Variants in CLPB observed in about 807,000 individuals in gnomAD.
CLPB encodes the protein mitochondrial disaggregase.
A neutral mutation model predicts 78.4 loss-of-function variants in CLPB; 40 were observed. The ratio of observed to expected loss-of-function variants is 0.51; its 90% CI spans 0.40 to 0.66. The LOEUF (loss-of-function observed/expected upper bound fraction) is 0.66, where lower values mean the gene tolerates loss of function less well. Ranked by LOEUF, CLPB falls within the 30% of genes least tolerant of loss-of-function variation. The pLI is 0.00. For synonymous variants in CLPB, 333 were observed against 348.0 expected (o/e 0.96, Z 0.48); for missense variants, 780 against 886.9 (o/e 0.88, Z 1.53).
At chr11:72,393,894 C>T (rs758329003) in intron 3 of CLPB, among the ~76,000 whole-genome samples, 2 of 152,008 alleles carry the variant, frequency 1.3e-5, no homozygotes, top group Non-Finnish European at 2.9e-5. Context: ...TTTAATGTCC[C>T]CTATTTTTTC....
chr11:72,395,312 TG>T (rs1383414830), intron 3 of CLPB, among the ~76,000 whole-genome samples: 2 of 152,166 alleles, frequency 1.3e-5, no homozygotes, highest in Non-Finnish European at 2.9e-5. Flanking sequence ...AGAGCCGACT[TG>T]ACTCCTGGTT....
rs143743148 is a variant in CLPB at position 72,400,632 on chromosome 11, G to A, written c.542+2334C>T. Among the ~76,000 whole-genome samples the A allele has an allele frequency of 7.0e-4, 107 of 152,332 alleles. 1 individual carries two copies. Among genetic ancestry groups the A allele is most frequent in the Middle Eastern group, 3.4e-3 (1 of 294 alleles). On this transcript the variant is annotated intron_variant, in intron 3 of 15. Coordinates refer to ENST00000538039, the MANE Select transcript of CLPB (RefSeq NM_001258392.3). ...TTAGCACCACTGGCTATTTCTTGCA[G>A]AGGGAAACAGCTACAAGCTGGGGGA...
chr11:72,393,285 T>C (rs1299072642), intron 3 of CLPB, among the ~76,000 whole-genome samples: 1 of 152,220 alleles, frequency 6.6e-6, no homozygotes, highest in Non-Finnish European at 1.5e-5. Context: ...GGACCCAGAC[T>C]AGGCTCTCTC....
intron 9 of CLPB, chr11:72,302,598 G>T: frequency 2.1e-6 from 1 of 470,204 alleles, no homozygotes; most frequent in Non-Finnish European, 3.9e-6. Context: ...CTGACTTGGG[G>T]TGTCTTCTTT....
chr11:72,356,520 C>A (rs1023043004), intron 5 of CLPB, among the ~76,000 whole-genome samples: 1 of 152,050 alleles, frequency 6.6e-6, no homozygotes, highest in Non-Finnish European at 1.5e-5. Flanking sequence ...CCCTGAGTGA[C>A]GGCAACTTGT....
intron 4 of CLPB, among the ~76,000 whole-genome samples, chr11:72,367,690 C>A (rs1194469689): frequency 3.9e-5 from 6 of 152,128 alleles, no homozygotes; most frequent in Admixed American, 3.9e-4. Context: ...ATCAATTATA[C>A]ACCACACCCC....
In CLPB at chr11:72,433,485, G is replaced by A. The variant is rs528117556; in HGVS notation, c.403+587C>T. ...AACCCGGGAGGCGGAGGTTGCAGTGGGCCGAGATTGCGCCACTGCACTCCA... is the reference window on the plus strand; with the variant it reads ...AACCCGGGAGGCGGAGGTTGCAGTGAGCCGAGATTGCGCCACTGCACTCCA... On this transcript the variant is annotated intron_variant, in intron 1 of 15. Transcript: ENST00000538039. Among the ~76,000 whole-genome samples the A allele has an allele frequency of 4.0e-5, 6 of 151,688 alleles. No individual in the cohort carries two copies. The South Asian group carries it at 6.2e-4, about 16-fold the overall frequency.
In CLPB at chr11:72,430,379, G is replaced by A. The variant is rs371250603; in HGVS notation, c.404-16C>T. 2.1e-4 allele frequency: 340 copies of A among 1,612,008 alleles called. 2 individuals carry two copies. Among genetic ancestry groups the A allele is most frequent in the Admixed American group, 1.6e-3 (95 of 59,706 alleles). ...AGGGCTGCATCTGAAGAGAAAGGGG[G>A]CACTGGTCAGATCCGCGGCCAGGAC... is the stretch of plus-strand genomic sequence containing the variant. On this transcript the variant is annotated splice_polypyrimidine_tract_variant and intron_variant, in intron 1 of 15. Coordinates refer to ENST00000538039, the MANE Select transcript of CLPB (RefSeq NM_001258392.3).
At chr11:72,396,110 C>T (rs1565483561) in intron 3 of CLPB, among the ~76,000 whole-genome samples, 2 of 152,102 alleles carry the variant, frequency 1.3e-5, no homozygotes, top group Non-Finnish European at 2.9e-5. Context: ...GGTCTTCAGC[C>T]AAGGATGGCA....
intron 7 of CLPB, among the ~76,000 whole-genome samples, chr11:72,316,295 G>C (rs1210615138): frequency 6.6e-6 from 1 of 152,202 alleles, no homozygotes. Flanking sequence ...GTTCCCAGAA[G>C]ATAGTGATGC....
At chr11:72,388,848 T>C (rs1855164133) in intron 3 of CLPB, among the ~76,000 whole-genome samples, 1 of 152,120 alleles carries the variant, frequency 6.6e-6, no homozygotes, top group African/African-American at 2.4e-5. Flanking sequence ...GCATATAGCA[T>C]ATAGCAGGGC....
intron 12 of CLPB, 51 bp downstream of exon 12, chr11:72,295,441 T>G: frequency 6.3e-7 from 1 of 1,592,962 alleles, no homozygotes; most frequent in South Asian, 1.1e-5. Context: ...CCCCAGGAGA[T>G]AGGCTGGTGG....
chr11:72,344,475 G>C (rs1230422287), intron 5 of CLPB, among the ~76,000 whole-genome samples: 2 of 152,060 alleles, frequency 1.3e-5, no homozygotes. Context: ...GCCTCCCAAA[G>C]TGGTGGGATT....
chr11:72,372,576 A>C (rs529049100), intron 4 of CLPB, among the ~76,000 whole-genome samples: 5 of 152,258 alleles, frequency 3.3e-5, no homozygotes, highest in Non-Finnish European at 5.9e-5. Flanking sequence ...CACAACTAAT[A>C]CCTGTAGTCC....
intron 2 of CLPB, among the ~76,000 whole-genome samples, chr11:72,416,043 A>G (rs1856012612): frequency 6.6e-6 from 1 of 152,228 alleles, no homozygotes; most frequent in African/African-American, 2.4e-5. Context: ...GTCCTAGAAG[A>G]CAGAGCTGGG....
intron 2 of CLPB, among the ~76,000 whole-genome samples, chr11:72,428,631 C>T (rs1013703765): frequency 2.0e-5 from 3 of 152,138 alleles, no homozygotes; most frequent in African/African-American, 7.2e-5. Flanking sequence ...TCTCTGATGT[C>T]CTCACATGGA....
chr11:72,289,292 T>C lies in CLPB; in HGVS notation c.*4075A>G, dbSNP rs1397718682. ...ATTGGCTTTTCTTGTATAAAAGTTA[T>C]CTGATTTTAAGTTATATGCCTAGTA... On this transcript the variant is annotated 3_prime_UTR_variant, in exon 16 of 16. Coordinates refer to ENST00000538039, the MANE Select transcript of CLPB (RefSeq NM_001258392.3). The C allele has an allele frequency of 1.3e-5, 2 of 152,180 alleles. No individual in the cohort carries two copies. The highest frequency in any genetic ancestry group is 2.4e-5 in the African/African-American group (1 of 41,430). The allele number at this position is 152,180 out of a possible 1,614,324, so 9.4% of individuals were successfully genotyped here.
chr11:72,302,044 C>G (rs1057088582), intron 10 of CLPB, 80 bp from the exon 11 acceptor site: 1 of 1,492,304 alleles, frequency 6.7e-7, no homozygotes, highest in Non-Finnish European at 9.2e-7. Flanking sequence ...GGGAAGATGA[C>G]TTTATACGCT....
At position 72,286,223 on chromosome 11, in the gene CLPB, G is replaced by GTTTTTTTTTTTTGTTTTTTT. The variant is rs1949387006; in HGVS notation, c.*7143_*7144insAAAAAAACAAAAAAAAAAAA. On this transcript the variant is annotated 3_prime_UTR_variant, in exon 16 of 16. Transcript: ENST00000538039. ...ATTACAGGTGTGAGATACTGCACCT[G>GTTTTTTTTTTTTGTTTTTTT]TTTTTTTTTTTTTTTTTTTTTTTAA... The GTTTTTTTTTTTTGTTTTTTT allele has an allele frequency of 1.7e-5, 1 of 60,452 alleles. No homozygotes were observed. The highest frequency in any genetic ancestry group is 3.1e-5 in the Non-Finnish European group (1 of 32,214). 3.7% of individuals were successfully genotyped at this position (60,452 alleles called of 1,614,324 possible).
Sources: gnomAD v4.1 joint callset for allele counts (sites outside exome capture counted in the v4.1 genomes callset) on GRCh38, gnomAD v4.1.1 for gene constraint, MANE v1.5 for transcripts, NCBI Gene and HGNC (gene_info 2026-07-23, HGNC 2026-07-21) for gene names.